UBE2E1: variants seen among roughly 807,000 people sequenced by gnomAD.
UBE2E1 encodes ubiquitin conjugating enzyme E2 E1, also known as ubiquitin-conjugating enzyme E2 E1.
Under a neutral mutation model 21.4 loss-of-function variants are expected in UBE2E1, and 6 were observed. That is an observed-to-expected ratio of 0.28 (90% CI 0.15 to 0.55). UBE2E1 has a LOEUF of 0.55. UBE2E1 is among the 20% of genes least tolerant of loss of function. The probability of loss-of-function intolerance (pLI) is 0.93; values close to 1 mark genes in which losing one functional copy is unlikely to be tolerated. For missense variants in UBE2E1, 142 were observed against 236.5 expected (o/e 0.60, Z 2.62); for synonymous variants, 87 against 82.7 (o/e 1.05, Z -0.28).
chr3:23,860,019 G>A (rs558988943), intron 3 of UBE2E1, among the ~76,000 whole-genome samples: 2 of 152,174 alleles, frequency 1.3e-5, no homozygotes, highest in Admixed American at 1.3e-4. Context: ...ACCACGTCCT[G>A]TGTGCAGGTT....
Position 23,816,744 on chromosome 3 carries a change from C to G in UBE2E1, c.203+5234C>G, listed in dbSNP as rs555941382. Among the ~76,000 whole-genome samples the G allele has an allele frequency of 6.6e-6, 1 of 152,078 alleles. No homozygotes were observed. Among genetic ancestry groups the G allele is most frequent in the South Asian group, 2.1e-4 (1 of 4,806 alleles). ...TATACTAAGTGAAATAAACTAGAAC[C>G]AAAAAGACAAATAGCGTATGATTCC... On this transcript the variant is annotated intron_variant, in intron 3 of 5. Coordinates refer to ENST00000306627, the MANE Select transcript of UBE2E1 (RefSeq NM_003341.5). This position sits in a 1 kb window ranked among gnomAD's most constrained non-coding sequence, Gnocchi z 4.8.
At chr3:23,856,651 C>T (rs1478542140) in intron 3 of UBE2E1, among the ~76,000 whole-genome samples, 3 of 152,300 alleles carry the variant, frequency 2.0e-5, no homozygotes, top group African/African-American at 7.2e-5. Context: ...AAATGCATCT[C>T]TCTTTTCATA....
At chr3:23,880,109 G>A (rs868346226) in intron 3 of UBE2E1, among the ~76,000 whole-genome samples, 21 of 152,138 alleles carry the variant, frequency 1.4e-4, no homozygotes, top group Non-Finnish European at 1.8e-4. Flanking sequence ...TAGGCTGGGC[G>A]CAGTGGCTCA....
At position 23,891,557 on chromosome 3, in the gene UBE2E1, T is replaced by G. The variant is rs1020391122; in HGVS notation, c.*951T>G. 6.6e-6 allele frequency: 1 copy of G among 152,196 alleles called. No homozygotes were observed. The highest frequency in any genetic ancestry group is 1.5e-5 in the Non-Finnish European group (1 of 68,022). The allele number at this position is 152,196 out of a possible 1,614,324, so 9.4% of individuals were successfully genotyped here. A position where few individuals can be genotyped will look rare whatever the true frequency, so the allele number is the denominator to read the frequency against. ...CCCTACTGCATCTTTTTAAAAGCAT[T>G]TTCTGACTTGCAGATGCTGTAGTAG... On this transcript the variant is annotated 3_prime_UTR_variant, in exon 6 of 6. Transcript: ENST00000306627.
intron 3 of UBE2E1, among the ~76,000 whole-genome samples, chr3:23,881,156 G>C (rs184050564): frequency 5.3e-5 from 8 of 152,290 alleles, no homozygotes; most frequent in African/African-American, 1.9e-4. Context: ...CAGAAGTGTC[G>C]TGGCTCATGG....
intron 3 of UBE2E1, among the ~76,000 whole-genome samples, chr3:23,812,379 T>C (rs919042154): frequency 3.9e-5 from 6 of 152,202 alleles, no homozygotes; most frequent in Non-Finnish European, 7.3e-5. Context: ...TCTAAACTTA[T>C]TGGTAGGAGT....
At position 23,819,862 on chromosome 3, in the gene UBE2E1, G is replaced by A. The variant is rs72625900; in HGVS notation, c.203+8352G>A. On this transcript the variant is annotated intron_variant, in intron 3 of 5. Transcript: ENST00000306627. The stretch of plus-strand genomic sequence containing the variant: ...AAGATGTGATCTCTGCTGCAGGCTC[G>A]ATTGAGAAAAGATGTATTGGAGAAA... Among the ~76,000 whole-genome samples, 442 of 152,308 alleles carry A rather than the reference G, an allele frequency of 2.9e-3. 9 individuals carry two copies. In the East Asian group the frequency reaches 0.044, roughly 15 times the overall value.
At chr3:23,850,435 A>G (rs1203878927) in intron 3 of UBE2E1, among the ~76,000 whole-genome samples, 3 of 152,122 alleles carry the variant, frequency 2.0e-5, no homozygotes, top group South Asian at 2.1e-4. Context: ...TGTGGTTTCA[A>G]TGAAGTCCAG....
chr3:23,885,423 G>A (rs1232397838), intron 3 of UBE2E1, among the ~76,000 whole-genome samples: 7 of 152,188 alleles, frequency 4.6e-5, no homozygotes, highest in Admixed American at 4.6e-4. Context: ...CACTGGAGAA[G>A]TTTCTGCCTG....
chr3:23,890,684 G>T lies in UBE2E1; in HGVS notation c.*78G>T. On this transcript the variant is annotated 3_prime_UTR_variant, in exon 6 of 6. Coordinates refer to ENST00000306627, the MANE Select transcript of UBE2E1 (RefSeq NM_003341.5). ...TATGATTTTGAAGGGGTCAGGGAGG[G>T]TGGGAGTTGGTAAAGAGTAGGGTAT... The T allele has an allele frequency of 1.4e-5, 16 of 1,153,016 alleles. No individual in the cohort carries two copies. The highest frequency in any genetic ancestry group is 2.5e-5 in the East Asian group (1 of 39,866). The allele number at this position is 1,153,016 out of a possible 1,614,324, so 71.4% of individuals were successfully genotyped here. A position where few individuals can be genotyped will look rare whatever the true frequency, so the allele number is the denominator to read the frequency against.
Position 23,806,926 on chromosome 3 carries a change from C to CG in UBE2E1, c.-33-311_-33-310insG, listed in dbSNP as rs1387538741. The CG allele has an allele frequency of 2.9e-3, 547 of 185,590 alleles. 19 individuals carry two copies. The East Asian group carries it at 0.04, about 14-fold the overall frequency. The allele number at this position is 185,590 out of a possible 1,614,324, so 11.5% of individuals were successfully genotyped here. ...TGCCCCGCCGTGGCGCCCCGCGCCC[C>CG]CCGCCCTGCCCTCCTTCGCCTCCCG... On this transcript the variant is annotated intron_variant, in intron 1 of 5. Transcript: ENST00000306627. This position sits in a 1 kb window ranked among gnomAD's most constrained non-coding sequence, Gnocchi z 6.5.
chr3:23,846,100 T>C (rs1343876584), intron 3 of UBE2E1, among the ~76,000 whole-genome samples: 2 of 152,184 alleles, frequency 1.3e-5, no homozygotes, highest in Non-Finnish European at 2.9e-5. Flanking sequence ...TCTGTATTAT[T>C]TGGGAAAAGT....
intron 3 of UBE2E1, among the ~76,000 whole-genome samples, chr3:23,847,066 A>G (rs1700223310): frequency 6.6e-6 from 1 of 152,154 alleles, no homozygotes; most frequent in Admixed American, 6.5e-5. Flanking sequence ...TTTATCCCTA[A>G]ATTTGATGGA....
intron 2 of UBE2E1, among the ~76,000 whole-genome samples, chr3:23,809,631 G>A (rs1488989875): frequency 1.3e-5 from 2 of 152,184 alleles, no homozygotes; most frequent in Non-Finnish European, 2.9e-5. Context: ...TGGTATTAAC[G>A]CTTCTTAGGT....
chr3:23,888,935 A>G (rs142507245), intron 4 of UBE2E1, among the ~76,000 whole-genome samples, 177 bp from the exon 5 acceptor site: 1 of 152,376 alleles, frequency 6.6e-6, no homozygotes, highest in East Asian at 1.9e-4. Context: ...TTTAAATGAA[A>G]TTGACACAGT....
In UBE2E1 at chr3:23,808,631, A is replaced by G. The variant is rs1364925668; in HGVS notation, c.152+1210A>G. The stretch of plus-strand genomic sequence containing the variant: ...ATGGGCTGATGAAGGAGTGACTTTT[A>G]AAAAATAGTGTGGAGGTCTTAAGTG... On this transcript the variant is annotated intron_variant, in intron 2 of 5. Transcript: ENST00000306627. The surrounding 1 kb of genome is among the most constrained non-coding windows in gnomAD (Gnocchi z 4.9). 6.6e-6 allele frequency: 1 copy of G among 152,180 alleles called. No individual in the cohort carries two copies. Among genetic ancestry groups the G allele is most frequent in the African/African-American group, 2.4e-5 (1 of 41,430 alleles). The allele number at this position is 152,180 out of a possible 1,614,324, so 9.4% of individuals were successfully genotyped here.
At position 23,810,353 on chromosome 3, in the gene UBE2E1, G is replaced by A; in HGVS notation, c.153-1107G>A. 2 of 1,370,304 alleles carry A rather than the reference G, an allele frequency of 1.5e-6. No individual in the cohort carries two copies. Among genetic ancestry groups the A allele is most frequent in the East Asian group, 2.5e-5 (1 of 39,642 alleles). 84.9% of individuals were successfully genotyped at this position (1,370,304 alleles called of 1,614,324 possible). The stretch of plus-strand genomic sequence containing the variant: ...AAAGACAAAGGCCAGGGCTTGGTGT[G>A]AACTGCCTGGTGGCTTCGGCCTATG... On this transcript the variant is annotated intron_variant, in intron 2 of 5. Coordinates refer to ENST00000306627, the MANE Select transcript of UBE2E1 (RefSeq NM_003341.5). The surrounding 1 kb of genome is among the most constrained non-coding windows in gnomAD (Gnocchi z 5.8).
chr3:23,882,539 C>T (rs1385643994), intron 3 of UBE2E1, among the ~76,000 whole-genome samples: 1 of 152,262 alleles, frequency 6.6e-6, no homozygotes, highest in East Asian at 1.9e-4. Context: ...CCACACTCCT[C>T]AACCCTTGGG....
At chr3:23,821,282 C>A (rs1699638062) in intron 3 of UBE2E1, among the ~76,000 whole-genome samples, 1 of 152,072 alleles carries the variant, frequency 6.6e-6, no homozygotes, top group Non-Finnish European at 1.5e-5. Context: ...AGAAGCCTTA[C>A]AAAGACATTT....
Sources: allele counts gnomAD v4.1 joint callset (sites outside exome capture counted in the v4.1 genomes callset), GRCh38; gene constraint gnomAD v4.1.1; non-coding constraint Gnocchi (gnomAD v3.1); transcripts MANE v1.5; gene names NCBI Gene and HGNC (gene_info 2026-07-23, HGNC 2026-07-21).